The following PPP1R12B variants were observed in gnomAD, a reference collection of about 807,000 sequenced individuals.
PPP1R12B encodes the protein protein phosphatase 1 regulatory subunit 12B, also known as myosin phosphatase target subunit 2.
A neutral mutation model predicts 126.1 loss-of-function variants in PPP1R12B; 76 were observed. The observed-to-expected ratio is 0.60, with a 90% CI of 0.50 to 0.73. The LOEUF (loss-of-function observed/expected upper bound fraction) is 0.73, where lower values mean the gene tolerates loss of function less well. PPP1R12B is among the 30% of genes least tolerant of loss of function. PPP1R12B has a pLI of 0.00. For missense variants in PPP1R12B, 1,052 were observed against 1,205.1 expected (o/e 0.87, Z 1.88); for synonymous variants, 356 against 434.7 (o/e 0.82, Z 2.25).
rs560812146 is a variant in PPP1R12B at position 202,480,144 on chromosome 1, G to A, written c.1851-8389G>A. 2.6e-5 allele frequency among the ~76,000 whole-genome samples: 4 copies of A among 152,310 alleles called. No individual in the cohort carries two copies. In the South Asian group the frequency reaches 8.3e-4, roughly 32 times the overall value. ...TGTGATTAATATGTTCCAGGAAGTA[G>A]ATAAGAAGTAGAGATTTTCACCAGA... On this transcript the variant is annotated intron_variant, in intron 13 of 23. Transcript: ENST00000608999.
At chr1:202,400,660 C>T (rs1041902945) in intron 1 of PPP1R12B, among the ~76,000 whole-genome samples, 1 of 152,190 alleles carries the variant, frequency 6.6e-6, no homozygotes, top group African/African-American at 2.4e-5. Context: ...TAATAGCTAA[C>T]AGCAATATGC....
At chr1:202,532,952 C>T (rs1684128025) in intron 18 of PPP1R12B, among the ~76,000 whole-genome samples, 1 of 149,780 alleles carries the variant, frequency 6.7e-6, no homozygotes, top group African/African-American at 2.5e-5. Flanking sequence ...TCACCCCAAC[C>T]TCTGCTTCCC....
intron 2 of PPP1R12B, 83 bp from the exon 3 acceptor site, chr1:202,422,537 C>T (rs1218443085): frequency 2.1e-5 from 26 of 1,261,150 alleles, no homozygotes; most frequent in Non-Finnish European, 2.4e-5. Flanking sequence ...ATAGAGACTT[C>T]GCTGTGTATT....
chr1:202,353,586 T>TTGTGTGTGTGTGTGTGTGTGTGTG, intron 1 of PPP1R12B, among the ~76,000 whole-genome samples: 1 of 120,812 alleles, frequency 8.3e-6, no homozygotes, highest in South Asian at 2.8e-4. Context: ...TTCTTCTTCT[T>TTGTGTGTGTGTGTGTGTGTGTGTG]TGTGTGTGTG....
At chr1:202,537,794 T>A (rs1684702840) in intron 18 of PPP1R12B, among the ~76,000 whole-genome samples, 1 of 152,190 alleles carries the variant, frequency 6.6e-6, no homozygotes, top group African/African-American at 2.4e-5. Flanking sequence ...ATCAAAAAAG[T>A]GTCACTAACC....
intron 18 of PPP1R12B, among the ~76,000 whole-genome samples, chr1:202,548,808 C>CTCTCTATATA (rs1218548068): frequency 1.9e-4 from 14 of 72,988 alleles, no homozygotes; most frequent in South Asian, 1.2e-3. Flanking sequence ...CTCTCTCTCT[C>CTCTCTATATA]TATATATATA....
At chr1:202,487,161 C>T (rs2148834040) in intron 13 of PPP1R12B, among the ~76,000 whole-genome samples, 1 of 152,074 alleles carries the variant, frequency 6.6e-6, no homozygotes, top group Non-Finnish European at 1.5e-5. Context: ...TGTAATTCAC[C>T]TTCCTGACAG....
chr1:202,498,399 A>G (rs1450650822), intron 18 of PPP1R12B, among the ~76,000 whole-genome samples: 4 of 152,262 alleles, frequency 2.6e-5, no homozygotes, highest in Admixed American at 6.5e-5. Flanking sequence ...ATTTATGCAG[A>G]TAAGCTAAGG....
At chr1:202,547,772 TAGGAATTA>T (rs1206369584) in intron 18 of PPP1R12B, among the ~76,000 whole-genome samples, 2 of 151,966 alleles carry the variant, frequency 1.3e-5, no homozygotes, top group Non-Finnish European at 2.9e-5. Flanking sequence ...GAAAGGGAAG[TAGGAATTA>T]GCCTGGATAA....
In PPP1R12B at chr1:202,580,752, C is replaced by T; in HGVS notation, c.*192C>T. The T allele has an allele frequency of 1.8e-6, 1 of 552,702 alleles. No homozygotes were observed. The highest frequency in any genetic ancestry group is 3.1e-5 in the Admixed American group (1 of 32,750). 34.2% of individuals were successfully genotyped at this position (552,702 alleles called of 1,614,324 possible). On this transcript the variant is annotated 3_prime_UTR_variant, in exon 24 of 24. Coordinates refer to ENST00000608999, the MANE Select transcript of PPP1R12B (RefSeq NM_002481.4). ...TTTCAATGCCCTGTTCTTCCAAACC[C>T]CTATCCCAAGTTTTATGACAGTTTT...
At chr1:202,418,447 TAAATACAGAG>T (rs1668361654) in intron 2 of PPP1R12B, among the ~76,000 whole-genome samples, 1 of 151,186 alleles carries the variant, frequency 6.6e-6, no homozygotes, top group Admixed American at 6.7e-5. Flanking sequence ...TGTGTGAAGC[TAAATACAGAG>T]AATGATTATA....
intron 18 of PPP1R12B, among the ~76,000 whole-genome samples, chr1:202,505,731 T>G (rs1395568470): frequency 6.6e-6 from 1 of 150,938 alleles, no homozygotes; most frequent in Admixed American, 6.6e-5. Flanking sequence ...TAAAGTAATA[T>G]TTTTTTTTGC....
chr1:202,416,810 C>G lies in PPP1R12B; in HGVS notation c.315C>G (p.Asp105Glu). 1 of 1,613,616 alleles carries G rather than the reference C, an allele frequency of 6.2e-7. No homozygotes were observed. Among genetic ancestry groups the G allele is most frequent in the Non-Finnish European group, 8.5e-7 (1 of 1,179,760 alleles). Residue 105 changes from aspartate to glutamate, a missense_variant, in exon 2 of 24, where the codon GAC becomes GAG. By Grantham distance (45) the Asp-to-Glu change is conservative. Transcript: ENST00000608999. Reference protein sequence around the residue: ...LHQACIDENLDMVKFLVENRA... With the variant: ...LHQACIDENLEMVKFLVENRA... ...AGGCATGTATTGATGAAAATTTGGA[C>G]ATGGTGAAGTTTCTGGTGGAGAACA...
intron 1 of PPP1R12B, among the ~76,000 whole-genome samples, chr1:202,374,308 A>T (rs914104572): frequency 6.6e-6 from 1 of 151,936 alleles, no homozygotes; most frequent in African/African-American, 2.4e-5. Flanking sequence ...TGTTTTTCTT[A>T]TTTGTTCAAT....
At chr1:202,350,381 G>T (rs1401163835) in intron 1 of PPP1R12B, among the ~76,000 whole-genome samples, 2 of 152,124 alleles carry the variant, frequency 1.3e-5, no homozygotes. Flanking sequence ...GGCAGGTAGT[G>T]TTGTTATTCT....
At chr1:202,546,679 G>T (rs565025606) in intron 18 of PPP1R12B, among the ~76,000 whole-genome samples, 1 of 152,208 alleles carries the variant, frequency 6.6e-6, no homozygotes, top group South Asian at 2.1e-4. Flanking sequence ...GTGGGGAAAT[G>T]GTTTCACTTT....
intron 21 of PPP1R12B, among the ~76,000 whole-genome samples, chr1:202,564,780 T>G (rs1209508690): frequency 6.6e-6 from 1 of 152,168 alleles, no homozygotes; most frequent in Admixed American, 6.5e-5. Context: ...ATGCTAATAA[T>G]TAATACTATG....
At chr1:202,458,877 T>C (rs1673965991) in intron 13 of PPP1R12B, among the ~76,000 whole-genome samples, 1 of 152,198 alleles carries the variant, frequency 6.6e-6, no homozygotes, top group Non-Finnish European at 1.5e-5. Context: ...TTGGGATAAA[T>C]GGGGCTTTAA....
chr1:202,381,011 C>G (rs1411039589), intron 1 of PPP1R12B, among the ~76,000 whole-genome samples: 2 of 152,196 alleles, frequency 1.3e-5, no homozygotes. Context: ...TAGATGCTCT[C>G]TCTTATTGAC....
Sources: allele counts gnomAD v4.1 joint callset (sites outside exome capture counted in the v4.1 genomes callset), GRCh38; gene constraint gnomAD v4.1.1; transcripts MANE v1.5; gene names NCBI Gene and HGNC (gene_info 2026-07-23, HGNC 2026-07-21).